Variants in ASXL1 observed in about 807,000 individuals in gnomAD.
The protein encoded by ASXL1 is polycomb group protein ASXL1.
Under a neutral mutation model 89.1 loss-of-function variants are expected in ASXL1, and 65 were observed. That is an observed-to-expected ratio of 0.73 (90% CI 0.60 to 0.90). The LOEUF (loss-of-function observed/expected upper bound fraction) is 0.90, where lower values mean the gene tolerates loss of function less well. Ranked by LOEUF, ASXL1 falls within the 40% of genes least tolerant of loss-of-function variation. ASXL1 has a pLI of 0.00. For synonymous variants in ASXL1, 739 were observed against 746.9 expected, an observed-to-expected ratio of 0.99 and a Z score of 0.17; for missense variants, 1,786 against 1,942.9, an observed-to-expected ratio of 0.92 and a Z score of 1.52.
chr20:32,369,741 T>TTTTA (rs869244300), intron 4 of ASXL1, among the ~76,000 whole-genome samples: 2 of 117,954 alleles, frequency 1.7e-5, no homozygotes, highest in African/African-American at 5.8e-5. Context: ...TTTTTTTTTT[T>TTTTA]ATTCTGAGAT....
chr20:32,372,179 C>G, intron 4 of ASXL1: 1 of 1,348,660 alleles, frequency 7.4e-7, no homozygotes, highest in Non-Finnish European at 9.8e-7. Context: ...AGCCACTGCA[C>G]CAGGCCCCTT....
At chr20:32,387,619 T>G (rs1420292886) in intron 4 of ASXL1, among the ~76,000 whole-genome samples, 1 of 152,238 alleles carries the variant, frequency 6.6e-6, no homozygotes, top group South Asian at 2.1e-4. Flanking sequence ...GTTTAAGCTC[T>G]TAGCCTGTCT....
chr20:32,432,469 G>A, intron 10 of ASXL1: 1 of 260,992 alleles, frequency 3.8e-6, no homozygotes, highest in Non-Finnish European at 7.4e-6. Flanking sequence ...AAGCCGTATT[G>A]TTTGCATAAA....
In ASXL1 at chr20:32,437,180, T is replaced by A. The variant is rs1194548712; in HGVS notation, c.4468T>A (p.Leu1490Met). The change falls in exon 13 of 13, where the codon TTG becomes ATG. Residue 1490 changes from leucine (L) to methionine (M), a missense_variant. Around this residue, in one of 3 missense-constraint regions of ASXL1, gnomAD observed 1,418 missense variants for 1,427.8 expected, o/e 0.99. Coordinates refer to ENST00000375687, the MANE Select transcript of ASXL1 (RefSeq NM_015338.6). The stretch of plus-strand genomic sequence containing the variant: ...TGCGAGCCACAGTGCATCACTTTCC[T>A]TGCAAATGTTCACTGACAGCAGCAC... ...FGASHSASLSLQMFTDSSTVE... is the reference protein window; with the variant it reads ...FGASHSASLSMQMFTDSSTVE... 5.0e-6 allele frequency: 8 copies of A among 1,613,660 alleles called. No homozygotes were observed. Among genetic ancestry groups the A allele is most frequent in the Non-Finnish European group, 6.8e-6 (8 of 1,179,676 alleles).
chr20:32,414,494 C>T (rs1342646737), intron 4 of ASXL1, among the ~76,000 whole-genome samples: 2 of 151,732 alleles, frequency 1.3e-5, no homozygotes, highest in African/African-American at 2.4e-5. Flanking sequence ...GAATTGCTTA[C>T]GACCAGGAGT....
chr20:32,367,871 A>C, intron 3 of ASXL1, 142 bp downstream of exon 3: 3 of 691,630 alleles, frequency 4.3e-6, no homozygotes, highest in Non-Finnish European at 8.0e-6. Flanking sequence ...TATAATATGT[A>C]GGAGTCACAG....
intron 4 of ASXL1, chr20:32,372,610 T>TC: frequency 4.9e-6 from 1 of 205,364 alleles, no homozygotes; most frequent in Non-Finnish European, 9.1e-6. Flanking sequence ...ATTTTTTTTT[T>TC]CTGAGACAGA....
intron 1 of ASXL1, 176 bp downstream of exon 1, chr20:32,359,008 G>A (rs1006281132): frequency 2.3e-5 from 16 of 696,456 alleles, no homozygotes; most frequent in Non-Finnish European, 2.8e-5. Flanking sequence ...GCTCCGCCGG[G>A]ATGGGATGTG....
chr20:32,379,271 A>C (rs1026480391), intron 4 of ASXL1, among the ~76,000 whole-genome samples: 1 of 133,432 alleles, frequency 7.5e-6, no homozygotes, highest in Non-Finnish European at 1.5e-5. Context: ...TGCAACCTCC[A>C]CCTTCTAGGT....
chr20:32,432,487 G>A (rs1012566388), intron 10 of ASXL1: 7 of 271,472 alleles, frequency 2.6e-5, no homozygotes, highest in Admixed American at 5.0e-5. Context: ...AAACAATTTA[G>A]GCACAGTGAA....
chr20:32,433,418 A>G lies in ASXL1; in HGVS notation c.1220A>G (p.His407Arg). The change falls in exon 12 of 13, where the codon CAT becomes CGT. Residue 407 changes from histidine to arginine, a missense_variant. Physicochemically the swap from His to Arg is conservative, Grantham distance 29. This residue lies in a region of ASXL1 where 1,418 missense variants were observed against 1,427.8 expected (regional missense o/e 0.99). Coordinates refer to ENST00000375687, the MANE Select transcript of ASXL1 (RefSeq NM_015338.6). The stretch of plus-strand genomic sequence containing the variant: ...CCAGCCACCCGACAGCGAGATGGGC[A>G]TTTTAAGAAACGCTCTCGGCCAGAT... ...RGPATRQRDG[H>R]FKKRSRPDLR... The G allele has an allele frequency of 6.2e-7, 1 of 1,614,214 alleles. No homozygotes were observed. The highest frequency in any genetic ancestry group is 8.5e-7 in the Non-Finnish European group (1 of 1,180,034).
chr20:32,385,805 A>G (rs925423680), intron 4 of ASXL1, among the ~76,000 whole-genome samples: 1 of 152,216 alleles, frequency 6.6e-6, no homozygotes, highest in African/African-American at 2.4e-5. Context: ...TTTGATTATA[A>G]CAGATCTATG....
chr20:32,417,685 T>C (rs1240257337), intron 4 of ASXL1, among the ~76,000 whole-genome samples: 1 of 152,212 alleles, frequency 6.6e-6, no homozygotes, highest in East Asian at 1.9e-4. Context: ...CTTTGGATCT[T>C]TAAACTTTCT....
rs2048047735 is a variant in ASXL1 at position 32,358,417 on chromosome 20, G to C, written c.-359G>C. On this transcript the variant is annotated 5_prime_UTR_variant, in exon 1 of 13. Coordinates refer to ENST00000375687, the MANE Select transcript of ASXL1 (RefSeq NM_015338.6). ...CGTCTCGCCCTCCCGCCCCGCCGTCGGTCCTGTCTCAGTCCCTCAGCAGAG... is the reference window on the plus strand; with the variant it reads ...CGTCTCGCCCTCCCGCCCCGCCGTCCGTCCTGTCTCAGTCCCTCAGCAGAG... 4.3e-6 allele frequency: 1 copy of C among 233,406 alleles called. No individual in the cohort carries two copies. Among genetic ancestry groups the C allele is most frequent in the South Asian group, 1.8e-4 (1 of 5,556 alleles). 14.5% of individuals were successfully genotyped at this position (233,406 alleles called of 1,614,324 possible).
At chr20:32,404,841 C>G (rs2048929335) in intron 4 of ASXL1, among the ~76,000 whole-genome samples, 1 of 152,086 alleles carries the variant, frequency 6.6e-6, no homozygotes. Flanking sequence ...GAGTTTTTAT[C>G]ATGAATGTAT....
intron 4 of ASXL1, among the ~76,000 whole-genome samples, chr20:32,378,799 T>G (rs2048432486): frequency 1.3e-5 from 2 of 151,776 alleles, no homozygotes; most frequent in Non-Finnish European, 2.9e-5. Context: ...GGCTCATGCT[T>G]ACCCTGTCTC....
chr20:32,439,262 A>T lies in ASXL1; in HGVS notation c.*1924A>T, dbSNP rs1349776372. On this transcript the variant is annotated 3_prime_UTR_variant, in exon 13 of 13. Transcript: ENST00000375687. ...TCTGGTCCATGAGGCTGCCCAGAGA[A>T]AGCACTGCTTCTGTATGTCTCTTGT... 1 of 233,062 alleles carries T rather than the reference A, an allele frequency of 4.3e-6. No individual in the cohort carries two copies. The highest frequency in any genetic ancestry group is 2.2e-5 in the African/African-American group (1 of 45,302). 14.4% of individuals were successfully genotyped at this position (233,062 alleles called of 1,614,324 possible).
At chr20:32,412,657 G>A (rs1410952797) in intron 4 of ASXL1, among the ~76,000 whole-genome samples, 1 of 148,094 alleles carries the variant, frequency 6.8e-6, no homozygotes, top group African/African-American at 2.5e-5. Context: ...GGGCAATGGT[G>A]GGATCGTAGC....
chr20:32,421,426 C>T (rs1159414975), intron 4 of ASXL1, among the ~76,000 whole-genome samples: 1 of 152,002 alleles, frequency 6.6e-6, no homozygotes, highest in East Asian at 1.9e-4. Context: ...TTTGGATCAA[C>T]TGGAACTCTC....
Sources: gnomAD v4.1 joint callset for allele counts (sites outside exome capture counted in the v4.1 genomes callset) on GRCh38, gnomAD v4.1.1 for gene constraint, gnomAD v4.1.1 regional missense constraint, MANE v1.5 for transcripts, NCBI Gene and HGNC (gene_info 2026-07-23, HGNC 2026-07-21) for gene names.